Variants in DERPC observed in about 807,000 individuals in gnomAD.
DERPC encodes decreased expression in renal and prostate cancer protein.
In DERPC, 1 loss-of-function variant was observed where a neutral mutation model predicts 7.2. The ratio of observed to expected loss-of-function variants is 0.14; its 90% confidence interval spans 0.05 to 0.66. DERPC has a LOEUF of 0.66. DERPC is among the 30% of genes least tolerant of loss of function. The probability of loss-of-function intolerance (pLI) is 0.84; values close to 1 mark genes in which losing one functional copy is unlikely to be tolerated. For synonymous variants in DERPC, 185 were observed against 117.6 expected (o/e 1.57, Z -3.71); for missense variants, 502 against 299.4 (o/e 1.68, Z -4.99).
At chr16:69,125,049 C>T (rs1355132506) in intron 1 of DERPC, among the ~76,000 whole-genome samples, 2 of 152,122 alleles carry the variant, frequency 1.3e-5, no homozygotes, top group East Asian at 3.9e-4. Flanking sequence ...GGATTATAGG[C>T]ATGTGCCACC....
intron 1 of DERPC, among the ~76,000 whole-genome samples, chr16:69,123,060 C>T (rs955641600): frequency 5.9e-5 from 9 of 152,102 alleles, no homozygotes; most frequent in African/African-American, 2.2e-4. Context: ...CACCCGGCCT[C>T]TTACTTTTTT....
chr16:69,118,532 A>G lies in DERPC; in HGVS notation c.*322T>C. On this transcript the variant is annotated 3_prime_UTR_variant, in exon 3 of 3. Coordinates refer to ENST00000519520, the MANE Select transcript of DERPC (RefSeq NM_001002847.4). ...CCTGCAGGCCAATGTATCCCTGAGG[A>G]AAAGTCCACAAGAACAATTCAAGAA... 1 of 918,996 alleles carries G rather than the reference A, an allele frequency of 1.1e-6. No individual in the cohort carries two copies. The highest frequency in any genetic ancestry group is 1.8e-6 in the Non-Finnish European group (1 of 549,330). The allele number at this position is 918,996 out of a possible 1,614,324, so 56.9% of individuals were successfully genotyped here.
chr16:69,130,599 C>G (rs1007287481), intron 1 of DERPC, among the ~76,000 whole-genome samples: 1 of 152,156 alleles, frequency 6.6e-6, no homozygotes, highest in Non-Finnish European at 1.5e-5. Context: ...GTTTTCCTAA[C>G]AATACACTGG....
chr16:69,127,021 C>T (rs1351274414), intron 1 of DERPC, among the ~76,000 whole-genome samples: 3 of 152,032 alleles, frequency 2.0e-5, no homozygotes, highest in Admixed American at 1.3e-4. Context: ...CCAAGGTGGG[C>T]AGATAACCTG....
chr16:69,132,377 C>A (rs1362016049), intron 1 of DERPC, 107 bp downstream of exon 1: 1 of 153,258 alleles, frequency 6.5e-6, no homozygotes, highest in South Asian at 1.8e-4. Flanking sequence ...CCGCGCGCCC[C>A]GCCCGGCCCC....
chr16:69,129,089 C>CA (rs768378198), intron 1 of DERPC, among the ~76,000 whole-genome samples: 2,915 of 144,390 alleles, frequency 0.02, 93 homozygotes, highest in African/African-American at 0.069. Context: ...TGAAACAAAA[C>CA]AAAAAAAAAA....
intron 2 of DERPC, chr16:69,121,124 C>A (rs774439830): frequency 6.2e-7 from 1 of 1,613,710 alleles, no homozygotes; most frequent in Non-Finnish European, 8.5e-7. Flanking sequence ...TCGATCTCCC[C>A]CTGTAGCTCC....
Position 69,120,467 on chromosome 16 carries a change from G to A in DERPC, c.-39C>T, listed in dbSNP as rs1198769291. 1 of 1,614,126 alleles carries A rather than the reference G, an allele frequency of 6.2e-7. No individual in the cohort carries two copies. The highest frequency in any genetic ancestry group is 1.7e-5 in the Admixed American group (1 of 60,020). Reference sequence around the variant, plus strand: ...CGCTGGTGATAATGGGCTTGGGGCGGGTTTTGAAAAGGATCTTGTCTTTGA... The same window carrying A: ...CGCTGGTGATAATGGGCTTGGGGCGAGTTTTGAAAAGGATCTTGTCTTTGA... On this transcript the variant is annotated 5_prime_UTR_variant, in exon 3 of 3. Coordinates refer to ENST00000519520, the MANE Select transcript of DERPC (RefSeq NM_001002847.4). This position sits in a 1 kb window ranked among gnomAD's most constrained non-coding sequence, Gnocchi z 4.0.
chr16:69,118,240 T>C lies in DERPC; in HGVS notation c.*614A>G. 1 of 654,326 alleles carries C rather than the reference T, an allele frequency of 1.5e-6. No individual in the cohort carries two copies. The highest frequency in any genetic ancestry group is 2.8e-6 in the Non-Finnish European group (1 of 353,940). 40.5% of individuals were successfully genotyped at this position (654,326 alleles called of 1,614,324 possible). A position where few individuals can be genotyped will look rare whatever the true frequency, so the allele number is the denominator to read the frequency against. ...TGGATGAGTAGAGGGGCCTTAAATCTGGCCACCTCTAAGTCCCAGGAGAAG... is the reference window on the plus strand; with the variant it reads ...TGGATGAGTAGAGGGGCCTTAAATCCGGCCACCTCTAAGTCCCAGGAGAAG... On this transcript the variant is annotated 3_prime_UTR_variant, in exon 3 of 3. Transcript: ENST00000519520.
chr16:69,122,729 A>G (rs1438449234), intron 1 of DERPC, among the ~76,000 whole-genome samples: 2 of 151,824 alleles, frequency 1.3e-5, no homozygotes, highest in Non-Finnish European at 2.9e-5. Context: ...TTTAGTAGAG[A>G]CGAGGTTTCT....
In DERPC at chr16:69,118,809, C is replaced by A; in HGVS notation, c.*45G>T. 1.5e-6 allele frequency: 1 copy of A among 670,846 alleles called. No homozygotes were observed. Among genetic ancestry groups the A allele is most frequent in the Non-Finnish European group, 2.7e-6 (1 of 369,250 alleles). The allele number at this position is 670,846 out of a possible 1,614,324, so 41.6% of individuals were successfully genotyped here. A position where few individuals can be genotyped will look rare whatever the true frequency, so the allele number is the denominator to read the frequency against. ...TACCTAAGACAGCCCCTGCCAAGAACCACAGTGCCTAGAAACCAAGGTGGT... is the reference window on the plus strand; with the variant it reads ...TACCTAAGACAGCCCCTGCCAAGAAACACAGTGCCTAGAAACCAAGGTGGT... On this transcript the variant is annotated 3_prime_UTR_variant, in exon 3 of 3. Coordinates refer to ENST00000519520, the MANE Select transcript of DERPC (RefSeq NM_001002847.4).
rs920523309 is a variant in DERPC at position 69,119,133 on chromosome 16, G to A, written c.1296C>T (p.Gly432=). The change falls in exon 3 of 3, where the codon GGC becomes GGT. Residue 432 remains glycine (G), a synonymous_variant. Transcript: ENST00000519520. ...PSPTTFPRST[G]PLGPGQVTFP... The stretch of plus-strand genomic sequence containing the variant: ...AAGTAACTTGACCAGGGCCTAATGG[G>A]CCAGTAGACCTTGGGAAGGTAGTTG... The A allele has an allele frequency of 5.7e-6, 4 of 702,942 alleles. No homozygotes were observed. The highest frequency in any genetic ancestry group is 5.2e-5 in the African/African-American group (3 of 57,280). 43.5% of individuals were successfully genotyped at this position (702,942 alleles called of 1,614,324 possible). A position where few individuals can be genotyped will look rare whatever the true frequency, so the allele number is the denominator to read the frequency against.
intron 1 of DERPC, among the ~76,000 whole-genome samples, chr16:69,121,826 G>C (rs149421780): frequency 0.013 from 1,910 of 152,094 alleles, 39 homozygotes; most frequent in African/African-American, 0.043. Context: ...CGCCACCACG[G>C]CCGGCTAATT....
intron 1 of DERPC, among the ~76,000 whole-genome samples, chr16:69,125,045 T>C (rs576205612): frequency 2.0e-5 from 3 of 152,086 alleles, no homozygotes; most frequent in Non-Finnish European, 4.4e-5. Context: ...GCTAGGATTA[T>C]AGGCATGTGC....
At chr16:69,127,567 TAA>T (rs908466722) in intron 1 of DERPC, among the ~76,000 whole-genome samples, 16 of 147,006 alleles carry the variant, frequency 1.1e-4, no homozygotes, top group African/African-American at 3.5e-4. Flanking sequence ...GTCAAGAAAC[TAA>T]AAGAGAGTCA....
rs778988484 is a variant in DERPC at position 69,119,603 on chromosome 16, C to A, written c.826G>T (p.Ala276Ser). Residue 276 changes from alanine (A) to serine (S), a missense_variant, in exon 3 of 3, where the codon GCC becomes TCC. Physicochemically the swap from Ala to Ser is moderately conservative, Grantham distance 99. Transcript: ENST00000519520. ...AGACCTGCTGCTCTTAGAATGGGGGCAAGATCGAGGCCTTGAGGTCCAGCC... is the reference window on the plus strand; with the variant it reads ...AGACCTGCTGCTCTTAGAATGGGGGAAAGATCGAGGCCTTGAGGTCCAGCC... ...RMAGPQGLDL[A>S]PILRAAGLLG... The A allele has an allele frequency of 1.9e-5, 13 of 699,234 alleles. No homozygotes were observed. Among genetic ancestry groups the A allele is most frequent in the Non-Finnish European group, 3.4e-5 (13 of 382,740 alleles). 43.3% of individuals were successfully genotyped at this position (699,234 alleles called of 1,614,324 possible). A position where few individuals can be genotyped will look rare whatever the true frequency, so the allele number is the denominator to read the frequency against.
chr16:69,130,921 G>GT (rs1392218107), intron 1 of DERPC, among the ~76,000 whole-genome samples: 2 of 152,200 alleles, frequency 1.3e-5, no homozygotes, highest in Middle Eastern at 3.2e-3. Context: ...GTTCTGGAAG[G>GT]TAATTTCTCT....
intron 1 of DERPC, among the ~76,000 whole-genome samples, chr16:69,125,951 TAA>T (rs1236894100): frequency 1.3e-5 from 2 of 152,226 alleles, no homozygotes; most frequent in African/African-American, 2.4e-5. Context: ...TGAGATGAAC[TAA>T]GTTTTTTGAG....
intron 1 of DERPC, among the ~76,000 whole-genome samples, chr16:69,130,203 A>G (rs117509312): frequency 0.018 from 2,809 of 152,354 alleles, 26 homozygotes; most frequent in Non-Finnish European, 0.026. Context: ...ATATGTATCC[A>G]ATTAAACCGA....
Sources: gnomAD v4.1 joint callset for allele counts (sites outside exome capture counted in the v4.1 genomes callset) on GRCh38, gnomAD v4.1.1 for gene constraint, Gnocchi (gnomAD v3.1) non-coding constraint, MANE v1.5 for transcripts, NCBI Gene and HGNC (gene_info 2026-07-23, HGNC 2026-07-21) for gene names.